Variants in NUP85 observed in about 807,000 individuals in gnomAD.
NUP85 encodes the protein nuclear pore complex protein Nup85.
A neutral mutation model predicts 92.8 loss-of-function variants in NUP85; 23 were observed. The ratio of observed to expected loss-of-function variants is 0.25; its 90% CI spans 0.18 to 0.35. The LOEUF (loss-of-function observed/expected upper bound fraction) is 0.35. NUP85 is among the 10% of genes least tolerant of loss of function. The probability of loss-of-function intolerance (pLI) is 1.00; values close to 1 mark genes in which losing one functional copy is unlikely to be tolerated. For missense variants in NUP85, 759 were observed against 822.8 expected (o/e 0.92, Z 0.95); for synonymous variants, 314 against 306.9 (o/e 1.02, Z -0.24).
chr17:75,228,600 ATCAG>A (rs1424884455), intron 11 of NUP85: 197 of 985,318 alleles, frequency 2.0e-4, no homozygotes, highest in Middle Eastern at 5.2e-4. Context: ...CATGGGATGT[ATCAG>A]TCAGACCCAT....
At chr17:75,209,098 A>C (rs962498357) in intron 2 of NUP85, among the ~76,000 whole-genome samples, 31 of 152,126 alleles carry the variant, frequency 2.0e-4, no homozygotes, top group African/African-American at 7.2e-4. Flanking sequence ...TTTTCATGAA[A>C]AATTTTCTTC....
chr17:75,232,101 C>G, intron 14 of NUP85, 122 bp downstream of exon 14: 1 of 993,914 alleles, frequency 1.0e-6, no homozygotes, highest in Non-Finnish European at 1.5e-6. Context: ...AGACGTGGGG[C>G]TGTGGACGCC....
chr17:75,231,397 C>G lies in NUP85; in HGVS notation c.1152C>G (p.Cys384Trp), dbSNP rs773329765. 1 of 1,614,224 alleles carries G rather than the reference C, an allele frequency of 6.2e-7. No homozygotes were observed. The change falls in exon 12 of 19, where the codon TGC (cysteine) becomes TGG (tryptophan). Residue 384 changes from cysteine (C) to tryptophan (W), a missense_variant. Transcript: ENST00000245544. The surrounding 1 kb of genome is among the most constrained non-coding windows in gnomAD (Gnocchi z 4.6). ...ACCTGACAGACCTGCTGGACCACTG[C>G]AAGCTCCTCCAGTCACACAACCTCT... ...VAHLTDLLDH[C>W]KLLQSHNLYF... is the part of the protein sequence containing the mutation.
In NUP85 at chr17:75,231,178, C is replaced by T. The variant is rs2076043352; in HGVS notation, c.1095-162C>T. ...TCCTGGACTCAGGTGATCTGCCTGC[C>T]TTGGCCTCCCAAAGTACTGGGATCA... On this transcript the variant is annotated intron_variant, in intron 11 of 18. Transcript: ENST00000245544. This position sits in a 1 kb window ranked among gnomAD's most constrained non-coding sequence, Gnocchi z 4.6. 3 of 693,020 alleles carry T rather than the reference C, an allele frequency of 4.3e-6. No individual in the cohort carries two copies. Among genetic ancestry groups the T allele is most frequent in the South Asian group, 3.4e-5 (2 of 59,062 alleles). The allele number at this position is 693,020 out of a possible 1,614,324, so 42.9% of individuals were successfully genotyped here.
chr17:75,234,961 G>T, intron 17 of NUP85, 139 bp from the exon 18 acceptor site: 1 of 1,046,992 alleles, frequency 9.6e-7, no homozygotes, highest in South Asian at 1.3e-5. Flanking sequence ...AACACTGCTT[G>T]ATTTGAAATG....
Position 75,208,517 on chromosome 17 carries a change from AT to A in NUP85, c.34-6del. 7.0e-7 allele frequency: 1 copy of A among 1,433,004 alleles called. No homozygotes were observed. The highest frequency in any genetic ancestry group is 9.8e-7 in the Non-Finnish European group (1 of 1,020,460). 88.8% of individuals were successfully genotyped at this position (1,433,004 alleles called of 1,614,324 possible). On this transcript the variant is annotated splice_polypyrimidine_tract_variant and intron_variant, in intron 1 of 18. Coordinates refer to ENST00000245544, the MANE Select transcript of NUP85 (RefSeq NM_024844.5). ...TTTTCATTTTAGATTTCTATGCCTT[AT>A]TTTACTAGTTGATTCCAGGCGTGAA...
At chr17:75,235,495 A>G in intron 18 of NUP85, 83 bp from the exon 19 acceptor site, 1 of 936,570 alleles carries the variant, frequency 1.1e-6, no homozygotes, top group Non-Finnish European at 1.7e-6. Flanking sequence ...AGTGCCCTCT[A>G]CCTTTGGATT....
intron 8 of NUP85, 48 bp downstream of exon 8, chr17:75,225,285 T>C: frequency 6.2e-7 from 1 of 1,610,514 alleles, no homozygotes. Context: ...GATGCGTGAT[T>C]CACTAAATAT....
intron 4 of NUP85, 79 bp from the exon 5 acceptor site, chr17:75,212,997 C>A: frequency 7.6e-7 from 1 of 1,322,342 alleles, no homozygotes; most frequent in Non-Finnish European, 1.1e-6. Context: ...AGGCTCAAGC[C>A]ATAGACCCTG....
chr17:75,210,576 C>G (rs1008248104), intron 3 of NUP85, among the ~76,000 whole-genome samples: 4 of 152,218 alleles, frequency 2.6e-5, no homozygotes, highest in Non-Finnish European at 2.9e-5. Flanking sequence ...CGTCCCTTCA[C>G]ATGGATGGCT....
chr17:75,219,604 T>C (rs976708009), intron 7 of NUP85, among the ~76,000 whole-genome samples: 1 of 152,158 alleles, frequency 6.6e-6, no homozygotes, highest in Admixed American at 6.5e-5. Context: ...GTCCCTACTA[T>C]TTGCAAGGCA....
At chr17:75,228,550 G>C (rs2075912790) in intron 11 of NUP85, 1 of 985,258 alleles carries the variant, frequency 1.0e-6, no homozygotes. Flanking sequence ...CCTGGCTCTG[G>C]GGAAAGGTTG....
In NUP85 at chr17:75,231,776, C is replaced by G; in HGVS notation, c.1245-52C>G. Reference sequence around the variant, plus strand: ...GTGAAAGGGAGCTGTAGGTGCCAGTCCTCGGAGCCATGAGGCAGCACCTCA... The same window carrying G: ...GTGAAAGGGAGCTGTAGGTGCCAGTGCTCGGAGCCATGAGGCAGCACCTCA... On this transcript the variant is annotated intron_variant, in intron 13 of 18. Coordinates refer to ENST00000245544, the MANE Select transcript of NUP85 (RefSeq NM_024844.5). This position sits in a 1 kb window ranked among gnomAD's most constrained non-coding sequence, Gnocchi z 4.6. 1 of 1,610,238 alleles carries G rather than the reference C, an allele frequency of 6.2e-7. No homozygotes were observed.
rs757972309 is a variant in NUP85, at chr17:75,235,437, T to C, written c.1870-141T>C. ...TCATTTCCAGTATGGCCCTTTGGTA[T>C]TGCTTTCTTTTACATCGATAATTTG... On this transcript the variant is annotated intron_variant, in intron 18 of 18. Coordinates refer to ENST00000245544, the MANE Select transcript of NUP85 (RefSeq NM_024844.5). The C allele has an allele frequency of 5.6e-5, 36 of 639,590 alleles. 1 individual carries two copies. The Middle Eastern group carries it at 2.8e-3, about 50-fold the overall frequency. 39.6% of individuals were successfully genotyped at this position (639,590 alleles called of 1,614,324 possible).
At position 75,231,990 on chromosome 17, in the gene NUP85, C is replaced by A; in HGVS notation, c.1396+11C>A. On this transcript the variant is annotated intron_variant, in intron 14 of 18. Coordinates refer to ENST00000245544, the MANE Select transcript of NUP85 (RefSeq NM_024844.5). The surrounding 1 kb of genome is among the most constrained non-coding windows in gnomAD (Gnocchi z 4.6). ...AGATGACTGAACAAGGTGAGCTGGCCCTGCTCCCAGCCTACTGTCTGTGGG... is the reference window on the plus strand; with the variant it reads ...AGATGACTGAACAAGGTGAGCTGGCACTGCTCCCAGCCTACTGTCTGTGGG... The A allele has an allele frequency of 1.2e-6, 2 of 1,613,828 alleles. No homozygotes were observed. Among genetic ancestry groups the A allele is most frequent in the Non-Finnish European group, 1.7e-6 (2 of 1,179,956 alleles).
intron 7 of NUP85, among the ~76,000 whole-genome samples, chr17:75,220,702 A>G (rs1665831984): frequency 6.7e-6 from 1 of 149,272 alleles, no homozygotes; most frequent in African/African-American, 2.5e-5. Flanking sequence ...GTTCTGTCTC[A>G]GTCTACCAAG....
intron 7 of NUP85, among the ~76,000 whole-genome samples, chr17:75,220,110 T>C (rs2075553624): frequency 6.6e-6 from 1 of 152,116 alleles, no homozygotes; most frequent in Non-Finnish European, 1.5e-5. Flanking sequence ...CTCTGCCTTT[T>C]ACTAGCTGTG....
At chr17:75,228,705 G>C in intron 11 of NUP85, 1 of 985,372 alleles carries the variant, frequency 1.0e-6, no homozygotes, top group Non-Finnish European at 1.2e-6. Flanking sequence ...TAGAAAAAAG[G>C]TTTCTTTCTT....
chr17:75,226,025 T>C, intron 10 of NUP85, 26 bp from the exon 11 acceptor site: 2 of 1,612,718 alleles, frequency 1.2e-6, no homozygotes, highest in South Asian at 2.2e-5. Context: ...GTCCTCAGGA[T>C]TGAGTGTCTC....
Sources: gnomAD v4.1 joint callset for allele counts (sites outside exome capture counted in the v4.1 genomes callset) on GRCh38, gnomAD v4.1.1 for gene constraint, Gnocchi (gnomAD v3.1) non-coding constraint, MANE v1.5 for transcripts, NCBI Gene and HGNC (gene_info 2026-07-23, HGNC 2026-07-21) for gene names.